Variants in GFRA2 observed in about 807,000 individuals in gnomAD.
GFRA2 encodes the protein GDNF family receptor alpha 2.
GFRA2 carries 17 observed loss-of-function variants against 48.3 expected under a neutral mutation model. The observed-to-expected ratio is 0.35, with a 90% CI of 0.24 to 0.53. The LOEUF is 0.53. Ranked by LOEUF, GFRA2 falls within the 20% of genes least tolerant of loss-of-function variation. GFRA2 has a pLI of 0.93. For synonymous variants in GFRA2, 305 were observed against 257.2 expected (o/e 1.19, Z -1.78); for missense variants, 660 against 637.3 (o/e 1.04, Z -0.38).
At chr8:21,704,529 T>C (rs1031559917) in intron 6 of GFRA2, among the ~76,000 whole-genome samples, 1 of 152,096 alleles carries the variant, frequency 6.6e-6, no homozygotes, top group Admixed American at 6.5e-5. Flanking sequence ...TGGATGGCAA[T>C]GGGTGCTGGG....
At chr8:21,760,790 G>C (rs1314115411) in intron 3 of GFRA2, among the ~76,000 whole-genome samples, 2 of 152,208 alleles carry the variant, frequency 1.3e-5, no homozygotes, top group Non-Finnish European at 2.9e-5. Context: ...AACAAGTCAG[G>C]ACAGAACTCT....
At chr8:21,771,041 A>T (rs1440536373) in intron 3 of GFRA2, among the ~76,000 whole-genome samples, 1 of 152,178 alleles carries the variant, frequency 6.6e-6, no homozygotes, top group African/African-American at 2.4e-5. Context: ...TGAGCACCCC[A>T]GGCAGACAGA....
chr8:21,693,617 C>T (rs1440548166), intron 8 of GFRA2, among the ~76,000 whole-genome samples: 1 of 151,990 alleles, frequency 6.6e-6, no homozygotes, highest in Non-Finnish European at 1.5e-5. Context: ...TGCTCTGTCC[C>T]TTCTGGTCAC....
intron 3 of GFRA2, among the ~76,000 whole-genome samples, chr8:21,758,301 C>T (rs531072151): frequency 6.6e-6 from 1 of 152,230 alleles, no homozygotes; most frequent in South Asian, 2.1e-4. Flanking sequence ...GTCACCTAGG[C>T]ACGCCCTTCA....
intron 4 of GFRA2, among the ~76,000 whole-genome samples, chr8:21,734,359 C>A (rs967274136): frequency 1.3e-5 from 2 of 152,264 alleles, no homozygotes; most frequent in African/African-American, 4.8e-5. Flanking sequence ...GCCCCTGCTG[C>A]CTTCTGGGGG....
At chr8:21,699,682 C>G (rs544274247) in intron 7 of GFRA2, among the ~76,000 whole-genome samples, 4 of 152,222 alleles carry the variant, frequency 2.6e-5, no homozygotes, top group Admixed American at 6.5e-5. Flanking sequence ...AACAGAAAAG[C>G]ATTTTCACCT....
intron 4 of GFRA2, among the ~76,000 whole-genome samples, chr8:21,722,174 T>C (rs1309133177): frequency 6.6e-6 from 1 of 152,194 alleles, no homozygotes; most frequent in Non-Finnish European, 1.5e-5. Context: ...CACACCCCCA[T>C]GCTAGCCAGT....
At chr8:21,698,077 G>A (rs1011790036) in intron 7 of GFRA2, among the ~76,000 whole-genome samples, 1 of 152,152 alleles carries the variant, frequency 6.6e-6, no homozygotes, top group Non-Finnish European at 1.5e-5. Context: ...TGGGTCTAGG[G>A]AAATAGCCTG....
At chr8:21,769,966 TG>T in intron 3 of GFRA2, among the ~76,000 whole-genome samples, 1 of 152,284 alleles carries the variant, frequency 6.6e-6, no homozygotes, top group African/African-American at 2.4e-5. Context: ...CCACCCCAGA[TG>T]CATGCTGGCC....
At chr8:21,723,973 G>A (rs529738107) in intron 4 of GFRA2, among the ~76,000 whole-genome samples, 6 of 152,296 alleles carry the variant, frequency 3.9e-5, no homozygotes, top group African/African-American at 1.2e-4. Flanking sequence ...AAACAGGGCA[G>A]AAGGAATGGA....
chr8:21,696,386 G>A (rs1217722831), intron 7 of GFRA2, among the ~76,000 whole-genome samples: 1 of 152,074 alleles, frequency 6.6e-6, no homozygotes, highest in Non-Finnish European at 1.5e-5. Flanking sequence ...TAGCTTATTT[G>A]TATATTGGAG....
At chr8:21,724,237 C>G (rs1803746090) in intron 4 of GFRA2, among the ~76,000 whole-genome samples, 1 of 152,086 alleles carries the variant, frequency 6.6e-6, no homozygotes, top group African/African-American at 2.4e-5. Context: ...TGTGGGGGGC[C>G]TGGTGTTTCT....
intron 2 of GFRA2, among the ~76,000 whole-genome samples, chr8:21,803,024 T>C (rs941624500): frequency 1.3e-5 from 2 of 152,248 alleles, no homozygotes; most frequent in Non-Finnish European, 2.9e-5. Flanking sequence ...TAAGCTAGGT[T>C]AAGCTAAGTT....
chr8:21,706,539 A>G (rs1048547967), intron 4 of GFRA2: 1 of 427,938 alleles, frequency 2.3e-6, no homozygotes, highest in South Asian at 1.6e-5. Flanking sequence ...CAAGGAAGCC[A>G]GTGGCCAGGG....
intron 3 of GFRA2, among the ~76,000 whole-genome samples, chr8:21,754,717 C>G (rs1805482353): frequency 6.6e-6 from 1 of 152,072 alleles, no homozygotes; most frequent in Non-Finnish European, 1.5e-5. Context: ...CCATGTTAGC[C>G]AGGCTGGTCT....
chr8:21,759,489 G>GGAAA (rs1357395137), intron 3 of GFRA2, among the ~76,000 whole-genome samples: 34 of 81,866 alleles, frequency 4.2e-4, no homozygotes, highest in African/African-American at 1.5e-3. Context: ...AAGGAAAGAA[G>GGAAA]GAAGGAAGGA....
intron 4 of GFRA2, among the ~76,000 whole-genome samples, chr8:21,706,898 C>T (rs1384927734): frequency 6.6e-6 from 1 of 152,212 alleles, no homozygotes; most frequent in Admixed American, 6.5e-5. Context: ...GTCTAATATG[C>T]ATGGCCATCT....
chr8:21,727,857 C>T (rs542825090), intron 4 of GFRA2, among the ~76,000 whole-genome samples: 54 of 152,228 alleles, frequency 3.5e-4, no homozygotes, highest in African/African-American at 9.4e-4. Context: ...GATAAACAAA[C>T]GGGGGTTATT....
At chr8:21,781,516 C>T (rs1383902865) in intron 2 of GFRA2, among the ~76,000 whole-genome samples, 1 of 152,308 alleles carries the variant, frequency 6.6e-6, no homozygotes, top group East Asian at 1.9e-4. Context: ...CAGCTTGGAG[C>T]CTGTCTCTTC....
Sources: gnomAD v4.1 joint callset for allele counts (sites outside exome capture counted in the v4.1 genomes callset) on GRCh38, gnomAD v4.1.1 for gene constraint, MANE v1.5 for transcripts, NCBI Gene and HGNC (gene_info 2026-07-23, HGNC 2026-07-21) for gene names.